The following PCDHA10 variants were observed in gnomAD, a reference collection of about 807,000 sequenced individuals.
PCDHA10 encodes the protein protocadherin alpha-10.
Under a neutral mutation model 61.2 loss-of-function variants are expected in PCDHA10, and 45 were observed. The ratio of observed to expected loss-of-function variants is 0.74; its 90% CI spans 0.58 to 0.94. The LOEUF is 0.94. PCDHA10 is among the 40% of genes least tolerant of loss of function. The probability of loss-of-function intolerance (pLI) is 0.00; values close to 1 mark genes in which losing one functional copy is unlikely to be tolerated. For missense variants in PCDHA10, 1,278 were observed against 1,236.2 expected (o/e 1.03, Z -0.51); for synonymous variants, 602 against 548.8 (o/e 1.10, Z -1.35).
In PCDHA10 at chr5:140,856,690, T is replaced by A. The variant is rs1368181199; in HGVS notation, c.642T>A (p.Thr214=). 1.3e-6 allele frequency: 2 copies of A among 1,597,086 alleles called. No homozygotes were observed. Among genetic ancestry groups the A allele is most frequent in the East Asian group, 2.2e-5 (1 of 44,874 alleles). ...AGCTAAAGTTGTTGTTGACAGCAAC[T>A]GATGGAGGCAAACCTGAATTTACCG... ...NPQLKLLLTA[T]DGGKPEFTGS... Residue 214 remains threonine (T), a synonymous_variant, in exon 1 of 4, where the codon ACT becomes ACA. Coordinates refer to ENST00000307360, the MANE Select transcript of PCDHA10 (RefSeq NM_018901.4).
intron 1 of PCDHA10, among the ~76,000 whole-genome samples, chr5:140,889,643 G>A (rs141216075): frequency 1.3e-4 from 20 of 152,024 alleles, no homozygotes; most frequent in African/African-American, 4.8e-4. Context: ...ATTTGTGTTT[G>A]CAGGAGATGT....
rs542615615 is a variant in PCDHA10, at chr5:140,855,959, A to G, written c.-90A>G. 8 of 1,399,890 alleles carry G rather than the reference A, an allele frequency of 5.7e-6. No homozygotes were observed. In the East Asian group the frequency reaches 1.1e-4, roughly 20 times the overall value. The allele number at this position is 1,399,890 out of a possible 1,614,324, so 86.7% of individuals were successfully genotyped here. On this transcript the variant is annotated 5_prime_UTR_variant, in exon 1 of 4. Transcript: ENST00000307360. Reference sequence around the variant, plus strand: ...GAGATCTCAGCCATTTCGATAAAAAATAGATATAAGAAATAGGACAGAAAA... The same window carrying G: ...GAGATCTCAGCCATTTCGATAAAAAGTAGATATAAGAAATAGGACAGAAAA...
At chr5:140,970,221 C>G (rs2096390879) in intron 1 of PCDHA10, among the ~76,000 whole-genome samples, 1 of 152,182 alleles carries the variant, frequency 6.6e-6, no homozygotes, top group South Asian at 2.1e-4. Context: ...TTAAATGCAG[C>G]CTGTAATCTT....
chr5:140,863,075 C>T (rs546237964), intron 1 of PCDHA10: 87 of 569,532 alleles, frequency 1.5e-4, no homozygotes, highest in South Asian at 9.6e-4. Flanking sequence ...GGGCTCTGCA[C>T]GGGCGAGATC....
intron 1 of PCDHA10, among the ~76,000 whole-genome samples, chr5:140,900,028 T>C (rs1554188848): frequency 1.3e-5 from 2 of 152,132 alleles, no homozygotes; most frequent in Admixed American, 1.3e-4. Flanking sequence ...CAGTTTGGCC[T>C]TGAATTCCTG....
intron 1 of PCDHA10, chr5:140,884,758 C>A (rs1582804628): frequency 2.1e-6 from 3 of 1,424,736 alleles, no homozygotes; most frequent in East Asian, 2.5e-5. Context: ...TCAAATTATT[C>A]TTTACTTTAA....
At position 140,879,168 on chromosome 5, in the gene PCDHA10, A is replaced by G. The variant is rs2057882676; in HGVS notation, c.2388+20732A>G. Among the ~76,000 whole-genome samples, 5 of 152,334 alleles carry G rather than the reference A, an allele frequency of 3.3e-5. 1 individual carries two copies. Among genetic ancestry groups the G allele is most frequent in the Admixed American group, 6.5e-5 (1 of 15,308 alleles). On this transcript the variant is annotated intron_variant, in intron 1 of 3. Coordinates refer to ENST00000307360, the MANE Select transcript of PCDHA10 (RefSeq NM_018901.4). ...AGGAAAGCTATTTCTTTTTTAATAAATTAGGTATCAAGTAATGGAGACTTA... is the reference window on the plus strand; with the variant it reads ...AGGAAAGCTATTTCTTTTTTAATAAGTTAGGTATCAAGTAATGGAGACTTA...
intron 3 of PCDHA10, among the ~76,000 whole-genome samples, chr5:141,006,560 C>G (rs1179730864): frequency 2.0e-5 from 3 of 152,084 alleles, no homozygotes; most frequent in Non-Finnish European, 4.4e-5. Flanking sequence ...AAAGATGACT[C>G]TGGCTACTGT....
At chr5:140,968,027 C>G in intron 1 of PCDHA10, 2 of 1,614,200 alleles carry the variant, frequency 1.2e-6, no homozygotes, top group Middle Eastern at 1.6e-4. Flanking sequence ...CTCCTATACA[C>G]TGGTGGTGAG....
At position 141,009,870 on chromosome 5, in the gene PCDHA10, A is replaced by G. The variant is rs1554262513; in HGVS notation, c.2780A>G (p.Lys927Arg). 1.9e-6 allele frequency: 3 copies of G among 1,614,114 alleles called. No homozygotes were observed. Among genetic ancestry groups the G allele is most frequent in the South Asian group, 2.2e-5 (2 of 91,074 alleles). ...GAGACCAAGAAAAAGAAGAAAAAGA[A>G]GAAGGGTAACAAGACCCAGGAGAAA... ...KEETKKKKKK[K>R]KGNKTQEKKE... The change falls in exon 4 of 4, where the codon AAG (lysine) becomes AGG (arginine). Residue 927 changes from lysine to arginine, a missense_variant. Physicochemically the swap from Lys to Arg is conservative, Grantham distance 26. Coordinates refer to ENST00000307360, the MANE Select transcript of PCDHA10 (RefSeq NM_018901.4).
chr5:140,999,431 C>G (rs1554256799), intron 3 of PCDHA10, among the ~76,000 whole-genome samples: 1 of 152,134 alleles, frequency 6.6e-6, no homozygotes, highest in African/African-American at 2.4e-5. Context: ...GGCCAAGTAC[C>G]TTGCCTCTTA....
rs1554244455 is a variant in PCDHA10 at position 140,982,542 on chromosome 5, A to G, written c.2515A>G (p.Thr839Ala). The G allele has an allele frequency of 1.9e-6, 3 of 1,614,210 alleles. No homozygotes were observed. The highest frequency in any genetic ancestry group is 2.2e-5 in the East Asian group (1 of 44,888). Residue 839 changes from threonine (T) to alanine (A), a missense_variant, in exon 3 of 4, where the codon ACA becomes GCA. Transcript: ENST00000307360. ...GPGGPDQQWP[T>A]VSSATPEPEA... ...AGGAGGGCCTGATCAGCAGTGGCCA[A>G]CAGTATCCAGTGCAACACCAGGTAA...
Position 140,982,346 on chromosome 5 carries a change from G to T in PCDHA10, c.2448-129G>T, listed in dbSNP as rs1484322650. On this transcript the variant is annotated intron_variant, in intron 2 of 3. Coordinates refer to ENST00000307360, the MANE Select transcript of PCDHA10 (RefSeq NM_018901.4). ...TGACTGCTCAGCAGTAATTGCTTCA[G>T]TTCAAGCATGAGCAGAATGTGTTAG... 2.7e-6 allele frequency: 4 copies of T among 1,492,344 alleles called. No homozygotes were observed. The Admixed American group carries it at 8.5e-5, about 32-fold the overall frequency. The allele number at this position is 1,492,344 out of a possible 1,614,324, so 92.4% of individuals were successfully genotyped here. A position where few individuals can be genotyped will look rare whatever the true frequency, so the allele number is the denominator to read the frequency against.
Position 140,978,964 on chromosome 5 carries a change from C to G in PCDHA10, c.2404C>G (p.Pro802Ala). ...GATTTTGCAGCCACGACAGCCCAAC[C>G]CTGACTGGCGTTACTCTGCCTCCCT... ...DHSRKPRQPN[P>A]DWRYSASLRA... is the part of the protein sequence containing the mutation. The change falls in exon 2 of 4, where the codon CCT becomes GCT. Residue 802 changes from proline to alanine, a missense_variant. Transcript: ENST00000307360. 3 of 1,614,122 alleles carry G rather than the reference C, an allele frequency of 1.9e-6. No homozygotes were observed. The highest frequency in any genetic ancestry group is 2.5e-6 in the Non-Finnish European group (3 of 1,180,010).
intron 1 of PCDHA10, among the ~76,000 whole-genome samples, chr5:140,949,544 T>C (rs981428881): frequency 5.3e-5 from 8 of 151,908 alleles, no homozygotes; most frequent in Non-Finnish European, 1.2e-4. Flanking sequence ...TATCGATTTG[T>C]TGCTGGTCAT....
intron 1 of PCDHA10, among the ~76,000 whole-genome samples, chr5:140,917,537 A>G (rs1433498846): frequency 2.0e-5 from 3 of 152,222 alleles, no homozygotes; most frequent in Middle Eastern, 3.2e-3. Flanking sequence ...GTATAGTTTT[A>G]GGTTTTACAT....
At chr5:140,929,492 G>A in intron 1 of PCDHA10, 1 of 1,062,164 alleles carries the variant, frequency 9.4e-7, no homozygotes, top group Non-Finnish European at 1.3e-6. Context: ...AGTATTAGAA[G>A]ATTGCCCTAG....
chr5:140,906,646 G>GT (rs35557065), intron 1 of PCDHA10, among the ~76,000 whole-genome samples: 1 of 152,192 alleles, frequency 6.6e-6, no homozygotes, highest in Non-Finnish European at 1.5e-5. Context: ...GCAGGTAGTG[G>GT]TTTTTTCCTG....
chr5:140,877,874 C>A, intron 1 of PCDHA10: 1 of 1,477,456 alleles, frequency 6.8e-7, no homozygotes, highest in Non-Finnish European at 9.0e-7. Flanking sequence ...ATATTTGTTT[C>A]CTTGAAGAAC....
Sources: gnomAD v4.1 joint callset for allele counts (sites outside exome capture counted in the v4.1 genomes callset) on GRCh38, gnomAD v4.1.1 for gene constraint, MANE v1.5 for transcripts, NCBI Gene and HGNC (gene_info 2026-07-23, HGNC 2026-07-21) for gene names.